FAM227B: variants seen among roughly 807,000 people sequenced by gnomAD.
FAM227B encodes the protein family with sequence similarity 227 member B.
Under a neutral mutation model 73.8 loss-of-function variants are expected in FAM227B, and 88 were observed. The ratio of observed to expected loss-of-function variants is 1.19; its 90% CI spans 1.00 to 1.42. The LOEUF is 1.42. Among genes scored for constraint, FAM227B ranks in the 40% most tolerant of loss-of-function variants. The pLI is 0.00. For missense variants in FAM227B, 632 were observed against 590.9 expected, an observed-to-expected ratio of 1.07 and a Z score of -0.72; for synonymous variants, 210 against 190.5, an observed-to-expected ratio of 1.10 and a Z score of -0.84.
chr15:49,577,269 C>A, intron 6 of FAM227B: 1 of 353,040 alleles, frequency 2.8e-6, no homozygotes, highest in Non-Finnish European at 5.6e-6. Context: ...TGCACTCCAG[C>A]CTGGGCCACA....
chr15:49,355,499 GATGAAATGA>G (rs2042996242), intron 13 of FAM227B, among the ~76,000 whole-genome samples: 2 of 152,264 alleles, frequency 1.3e-5, no homozygotes, highest in African/African-American at 4.8e-5. Flanking sequence ...AGCGATGGAA[GATGAAATGA>G]ATGAAATGAA....
At position 49,479,747 on chromosome 15, in the gene FAM227B, G is replaced by A. The variant is rs2055749508; in HGVS notation, c.1012+28464C>T. 2.6e-5 allele frequency among the ~76,000 whole-genome samples: 4 copies of A among 151,518 alleles called. 1 individual carries two copies. In the South Asian group the frequency reaches 8.4e-4, roughly 32 times the overall value. On this transcript the variant is annotated intron_variant, in intron 11 of 15. Coordinates refer to ENST00000299338, the MANE Select transcript of FAM227B (RefSeq NM_152647.3). ...TCCTGACTCAGACTACCGAGTAACT[G>A]GGATTACAGACACCCACCATCATGC...
chr15:49,559,732 C>A (rs560350661), intron 9 of FAM227B, among the ~76,000 whole-genome samples: 1 of 151,904 alleles, frequency 6.6e-6, no homozygotes, highest in East Asian at 1.9e-4. Context: ...GTCAGGAGTT[C>A]GAGACTAGCC....
intron 10 of FAM227B, among the ~76,000 whole-genome samples, chr15:49,532,173 A>T (rs936118467): frequency 6.6e-6 from 1 of 151,358 alleles, no homozygotes; most frequent in Non-Finnish European, 1.5e-5. Flanking sequence ...TTGGGAGCAC[A>T]CTGATGTTCC....
chr15:49,533,887 G>C (rs2060808426), intron 10 of FAM227B, among the ~76,000 whole-genome samples: 1 of 151,742 alleles, frequency 6.6e-6, no homozygotes, highest in South Asian at 2.1e-4. Context: ...GAAACGTAAG[G>C]ACTTACTCCT....
rs752811080 is a variant in FAM227B, at chr15:49,424,366, T to C, written c.1013-52967A>G. On this transcript the variant is annotated intron_variant, in intron 11 of 15. Transcript: ENST00000299338. ...ACAGATCATGCTTTCACATTATCTG[T>C]CTAGTGGGTACTATATCTTTAGCTT... The C allele has an allele frequency of 6.2e-6, 10 of 1,613,726 alleles. No homozygotes were observed. The South Asian group carries it at 1.1e-4, about 18-fold the overall frequency.
chr15:49,354,032 C>T (rs1301136621), intron 13 of FAM227B: 1 of 152,194 alleles, frequency 6.6e-6, no homozygotes, highest in Admixed American at 6.5e-5. Context: ...GCTGGTGACA[C>T]TTCTGGAGTC....
At chr15:49,594,992 T>C (rs1472565094) in intron 3 of FAM227B, among the ~76,000 whole-genome samples, 2 of 152,152 alleles carry the variant, frequency 1.3e-5, no homozygotes, top group African/African-American at 2.4e-5. Context: ...GGAATTACAC[T>C]GAATTTGTAG....
At chr15:49,354,589 G>C (rs1297371764) in intron 13 of FAM227B, among the ~76,000 whole-genome samples, 1 of 152,200 alleles carries the variant, frequency 6.6e-6, no homozygotes. Context: ...CTGGCTGGAA[G>C]GGTCCTACGC....
At chr15:49,376,132 T>C (rs2046147223) in intron 11 of FAM227B, among the ~76,000 whole-genome samples, 1 of 152,130 alleles carries the variant, frequency 6.6e-6, no homozygotes, top group African/African-American at 2.4e-5. Flanking sequence ...AAAAGAGAGA[T>C]AAATGAAGTT....
chr15:49,366,837 A>C (rs1012404926), intron 13 of FAM227B, among the ~76,000 whole-genome samples: 6 of 152,028 alleles, frequency 3.9e-5, no homozygotes, highest in Non-Finnish European at 8.8e-5. Context: ...CCCACACTCT[A>C]ATTTAGTGGC....
intron 11 of FAM227B, among the ~76,000 whole-genome samples, chr15:49,479,599 GTTTTTTTTTTT>G (rs56097665): frequency 2.5e-4 from 16 of 63,292 alleles, no homozygotes; most frequent in African/African-American, 6.9e-4. Context: ...TAATACCTCT[GTTTTTTTTTTT>G]TTTTTTTTTT....
At chr15:49,370,965 G>T (rs931194463) in intron 12 of FAM227B, among the ~76,000 whole-genome samples, 7 of 152,194 alleles carry the variant, frequency 4.6e-5, no homozygotes, top group African/African-American at 1.7e-4. Flanking sequence ...AGTTTTGCCT[G>T]CAGCTTTGCT....
At chr15:49,328,761 C>G (rs1163474965) in intron 15 of FAM227B, 86 bp from the exon 16 acceptor site, 8 of 1,435,406 alleles carry the variant, frequency 5.6e-6, no homozygotes, top group African/African-American at 1.6e-5. Flanking sequence ...CTCCAGTTAT[C>G]AAGAGACTAA....
intron 9 of FAM227B, among the ~76,000 whole-genome samples, chr15:49,543,814 T>C (rs1346773467): frequency 2.0e-5 from 3 of 152,188 alleles, no homozygotes; most frequent in African/African-American, 7.2e-5. Context: ...GCTGTAAGTA[T>C]TTGGCTTTAT....
intron 13 of FAM227B, among the ~76,000 whole-genome samples, chr15:49,356,195 T>G (rs536834014): frequency 2.0e-5 from 3 of 150,470 alleles, no homozygotes; most frequent in African/African-American, 4.9e-5. Flanking sequence ...ACGAGCAAAA[T>G]AACCAGCTAA....
At position 49,327,882 on chromosome 15, in the gene FAM227B, C is replaced by A; in HGVS notation, c.*686G>T. On this transcript the variant is annotated 3_prime_UTR_variant, in exon 16 of 16. Transcript: ENST00000299338. ...TTAGAACTTAGATAGGCTATGTGTT[C>A]TACAAACACCAAGCAAATCCCTTGT... 1 of 1,470,204 alleles carries A rather than the reference C, an allele frequency of 6.8e-7. No individual in the cohort carries two copies. The highest frequency in any genetic ancestry group is 9.3e-7 in the Non-Finnish European group (1 of 1,076,736). The allele number at this position is 1,470,204 out of a possible 1,614,324, so 91.1% of individuals were successfully genotyped here.
chr15:49,395,983 G>C (rs2047561701), intron 11 of FAM227B: 1 of 455,846 alleles, frequency 2.2e-6, no homozygotes, highest in Non-Finnish European at 4.4e-6. Context: ...ACCAAAACTG[G>C]GGGCGAGGAG....
intron 9 of FAM227B, among the ~76,000 whole-genome samples, chr15:49,560,385 AC>A (rs749249832): frequency 6.6e-6 from 1 of 152,234 alleles, no homozygotes; most frequent in Non-Finnish European, 1.5e-5. Context: ...ATGTAAAGCA[AC>A]CAAACCTATG....
Sources: gnomAD v4.1 joint callset for allele counts (sites outside exome capture counted in the v4.1 genomes callset) on GRCh38, gnomAD v4.1.1 for gene constraint, MANE v1.5 for transcripts, NCBI Gene and HGNC (gene_info 2026-07-23, HGNC 2026-07-21) for gene names.